Variants in TENM3 observed in about 807,000 individuals in gnomAD.
The protein encoded by TENM3 is teneurin transmembrane protein 3.
In TENM3, 63 loss-of-function variants were observed where a neutral mutation model predicts 255.1. The observed-to-expected ratio is 0.25, with a 90% CI of 0.20 to 0.30. TENM3 has a LOEUF of 0.30. TENM3 is among the 10% of genes least tolerant of loss of function. The pLI, the probability that TENM3 is intolerant of heterozygous loss-of-function variation, is 1.00. For missense variants in TENM3, 2,929 were observed against 3,461.1 expected (o/e 0.85, Z 3.86); for synonymous variants, 1,306 against 1,322.3 (o/e 0.99, Z 0.27).
intron 2 of TENM3, among the ~76,000 whole-genome samples, chr4:182,334,356 A>T (rs760643106): frequency 6.6e-6 from 1 of 152,186 alleles, no homozygotes; most frequent in African/African-American, 2.4e-5. Context: ...ATTCTCCCCA[A>T]ATTAATGCAT....
chr4:181,969,317 T>G, the TENM3 span, among the ~76,000 whole-genome samples: 57 of 152,222 alleles, frequency 3.7e-4, no homozygotes, highest in African/African-American at 1.3e-3. Context: ...CCTTTAAAGA[T>G]GTTACAGTTA....
intron 4 of TENM3, among the ~76,000 whole-genome samples, chr4:182,605,767 T>C (rs943325874): frequency 6.6e-6 from 1 of 152,160 alleles, no homozygotes; most frequent in African/African-American, 2.4e-5. Flanking sequence ...GAGGAAGCTA[T>C]TGTAAGCTTA....
the TENM3 span, among the ~76,000 whole-genome samples, chr4:181,700,128 G>A: frequency 6.6e-6 from 1 of 152,132 alleles, no homozygotes; most frequent in African/African-American, 2.4e-5. Flanking sequence ...AGTGTCGCTA[G>A]ATTGTGCAGA....
At chr4:181,605,449 A>G in the TENM3 span, among the ~76,000 whole-genome samples, 1 of 83,290 alleles carries the variant, frequency 1.2e-5, no homozygotes, top group Non-Finnish European at 2.8e-5. Context: ...ATCAAAAGAA[A>G]GAAAGAGAGA....
chr4:181,774,659 C>T, the TENM3 span, among the ~76,000 whole-genome samples: 2 of 12,208 alleles, frequency 1.6e-4, no homozygotes, highest in South Asian at 4.7e-3. Context: ...CCTATTTCTC[C>T]GCATCCTCTC....
At chr4:182,324,298 C>T in intron 2 of TENM3, 46 bp downstream of exon 2, 4 of 1,398,646 alleles carry the variant, frequency 2.9e-6, no homozygotes, top group Non-Finnish European at 3.0e-6. Context: ...ACGTTACTAA[C>T]TTGTAGGTGT....
At chr4:181,635,652 G>C in the TENM3 span, among the ~76,000 whole-genome samples, 10 of 152,338 alleles carry the variant, frequency 6.6e-5, no homozygotes, top group Non-Finnish European at 1.5e-4. Context: ...AGAGGGTGGA[G>C]TGGAGAGGAA....
the TENM3 span, among the ~76,000 whole-genome samples, chr4:181,622,721 G>A: frequency 6.6e-6 from 1 of 152,110 alleles, no homozygotes; most frequent in African/African-American, 2.4e-5. Context: ...GTATGAGACG[G>A]GAGGGCTTCA....
chr4:182,384,041 C>A (rs1202543808), intron 3 of TENM3, among the ~76,000 whole-genome samples: 1 of 152,188 alleles, frequency 6.6e-6, no homozygotes, highest in Non-Finnish European at 1.5e-5. Flanking sequence ...CTCTCCCATG[C>A]TCATTGGGCC....
At chr4:181,875,159 A>G in the TENM3 span, among the ~76,000 whole-genome samples, 1 of 152,144 alleles carries the variant, frequency 6.6e-6, no homozygotes, top group East Asian at 1.9e-4. Context: ...AGCCAAATAA[A>G]ATACCCACCA....
chr4:182,799,800 G>C lies in TENM3; in HGVS notation c.7549G>C (p.Ala2517Pro). The C allele has an allele frequency of 6.2e-7, 1 of 1,605,810 alleles. No individual in the cohort carries two copies. The highest frequency in any genetic ancestry group is 8.5e-7 in the Non-Finnish European group (1 of 1,176,590). ...GRVQTNVLNIANEDCIKVAAV... is the reference protein window; with the variant it reads ...GRVQTNVLNIPNEDCIKVAAV... ...CGTGCAGACCAACGTGCTCAACATC[G>C]CCAACGAGGACTGCATCAAGGTGGC... The change falls in exon 28 of 28, where the codon GCC (alanine) becomes CCC (proline). Residue 2517 changes from alanine to proline, a missense_variant. By Grantham distance (27) the Ala-to-Pro change is conservative. Coordinates refer to ENST00000511685, the MANE Select transcript of TENM3 (RefSeq NM_001080477.4). This position sits in a 1 kb window ranked among gnomAD's most constrained non-coding sequence, Gnocchi z 4.2.
At chr4:182,450,737 A>G (rs1773388672) in intron 3 of TENM3, among the ~76,000 whole-genome samples, 1 of 152,226 alleles carries the variant, frequency 6.6e-6, no homozygotes, top group Non-Finnish European at 1.5e-5. Context: ...ATTAGGGTAC[A>G]TTCTAGACAA....
chr4:182,545,551 G>A (rs1580889748), intron 3 of TENM3, among the ~76,000 whole-genome samples: 1 of 151,750 alleles, frequency 6.6e-6, no homozygotes, highest in Non-Finnish European at 1.5e-5. Flanking sequence ...CTTGGCCTTC[G>A]CCTTTCGTTC....
At chr4:181,847,951 C>T in the TENM3 span, among the ~76,000 whole-genome samples, 1 of 152,022 alleles carries the variant, frequency 6.6e-6, no homozygotes, top group African/African-American at 2.4e-5. Context: ...CAATGTCGGT[C>T]CTTGTTTATA....
Position 182,339,912 on chromosome 4 carries a change from A to T in TENM3, c.233-6739A>T, listed in dbSNP as rs901179328. On this transcript the variant is annotated intron_variant, in intron 2 of 27. Transcript: ENST00000511685. ...TTATTTTCAGAATGTTTTTGATTTA[A>T]AAAAAAAAGCTATTTTAAAGTTATT... Among the ~76,000 whole-genome samples, 39 of 66,282 alleles carry T rather than the reference A, an allele frequency of 5.9e-4. 1 individual carries two copies. The highest frequency in any genetic ancestry group is 2.2e-3 in the East Asian group (3 of 1,378). 43.5% of individuals were successfully genotyped at this position (66,282 alleles called of 152,430 possible).
At chr4:182,797,775 G>C (rs1322978135) in intron 27 of TENM3, among the ~76,000 whole-genome samples, 1 of 152,112 alleles carries the variant, frequency 6.6e-6, no homozygotes, top group African/African-American at 2.4e-5. Flanking sequence ...AGACAGTGCA[G>C]ACTTTCTTAG....
chr4:182,349,669 A>G (rs1458929324), intron 3 of TENM3, among the ~76,000 whole-genome samples: 7 of 152,198 alleles, frequency 4.6e-5, no homozygotes, highest in Non-Finnish European at 1.5e-5. Flanking sequence ...TTTTACCTAT[A>G]TTACTACTTT....
chr4:182,498,580 G>A (rs965918098), intron 3 of TENM3, among the ~76,000 whole-genome samples: 3 of 152,102 alleles, frequency 2.0e-5, no homozygotes, highest in Non-Finnish European at 4.4e-5. Flanking sequence ...TTGGCCGGGC[G>A]TGGTGTCTCA....
chr4:181,696,914 C>T, the TENM3 span, among the ~76,000 whole-genome samples: 1 of 152,126 alleles, frequency 6.6e-6, no homozygotes, highest in African/African-American at 2.4e-5. Context: ...CCTGGGCATG[C>T]CAGTGAACAG....
Sources: allele counts gnomAD v4.1 joint callset (sites outside exome capture counted in the v4.1 genomes callset), GRCh38; gene constraint gnomAD v4.1.1; non-coding constraint Gnocchi (gnomAD v3.1); transcripts MANE v1.5; gene names NCBI Gene and HGNC (gene_info 2026-07-23, HGNC 2026-07-21).